Variants in ZAN observed in about 807,000 individuals in gnomAD.
ZAN encodes the protein zonadhesin, also known as zonadhesin (gene/pseudogene).
A neutral mutation model predicts 286.2 loss-of-function variants in ZAN; 260 were observed. The ratio of observed to expected loss-of-function variants is 0.91; its 90% CI spans 0.82 to 1.01. The LOEUF is 1.01. Ranked by LOEUF, ZAN falls within the 50% of genes least tolerant of loss-of-function variation. The pLI is 0.00. For missense variants in ZAN, 3,410 were observed against 3,639.2 expected, an observed-to-expected ratio of 0.94 and a Z score of 1.62; for synonymous variants, 1,368 against 1,417.5, an observed-to-expected ratio of 0.97 and a Z score of 0.79.
intron 42 of ZAN, 85 bp downstream of exon 42, chr7:100,792,564 T>C (rs1812059241): frequency 1.3e-6 from 2 of 1,587,054 alleles, no homozygotes; most frequent in Admixed American, 1.7e-5. Flanking sequence ...TGCCCCTCCC[T>C]GTGCCGACCC....
rs77017835 is a variant in ZAN, at chr7:100,779,742, G to A, written c.6614G>A (p.Ser2205Asn). 0.04 allele frequency: 61,629 copies of A among 1,551,818 alleles called. 10,481 individuals are homozygous for A. In the East Asian group the frequency reaches 0.56, roughly 14 times the overall value. ...GLKPPLWRNS[S>N]FCPLECPAYS... ...AAGCCCCCACTCTGGAGAAACAGCA[G>A]CTTCTGCCGTGAGTGTGCCCTGCTG... Residue 2205 changes from serine (S) to asparagine (N), a missense_variant, in exon 35 of 48, where the codon AGC becomes AAC. Around this residue, in one of 7 missense-constraint regions of ZAN, gnomAD observed 1,289 missense variants for 1,314.3 expected, o/e 0.98. Coordinates refer to ENST00000613979, the MANE Select transcript of ZAN (RefSeq NM_003386.3).
chr7:100,753,726 G>A (rs1808950611), intron 14 of ZAN, among the ~76,000 whole-genome samples: 1 of 151,002 alleles, frequency 6.6e-6, no homozygotes, highest in Non-Finnish European at 1.5e-5. Flanking sequence ...CCAGCTACTC[G>A]GGAGGCTGAG....
chr7:100,762,352 A>G lies in ZAN; in HGVS notation c.3980A>G (p.Asp1327Gly). The change falls in exon 20 of 48, where the codon GAC becomes GGC. Residue 1327 changes from aspartate (D) to glycine (G), a missense_variant. Physicochemically the swap from Asp to Gly is moderately conservative, Grantham distance 94. Around this residue, in one of 7 missense-constraint regions of ZAN, gnomAD observed 1,042 missense variants for 1,058.0 expected, o/e 0.98. Transcript: ENST00000613979. Reference protein sequence around the residue: ...GNSWQTDQDEDQECQKYQVVN... With the variant: ...GNSWQTDQDEGQECQKYQVVN... Reference sequence around the variant, plus strand: ...AGCTGGCAGACGGACCAGGACGAGGACCAGGAGTGAGCAAGGAGCCCTCCC... The same window carrying G: ...AGCTGGCAGACGGACCAGGACGAGGGCCAGGAGTGAGCAAGGAGCCCTCCC... The G allele has an allele frequency of 6.2e-7, 1 of 1,606,076 alleles. No individual in the cohort carries two copies. Among genetic ancestry groups the G allele is most frequent in the Non-Finnish European group, 8.5e-7 (1 of 1,175,364 alleles).
At chr7:100,756,699 T>G (rs956966149) in intron 15 of ZAN, among the ~76,000 whole-genome samples, 2 of 125,880 alleles carry the variant, frequency 1.6e-5, no homozygotes, top group African/African-American at 6.3e-5. Context: ...TTCACTTTTG[T>G]TTTTTTTTTT....
At chr7:100,749,756 A>G (rs1005843851) in intron 11 of ZAN, among the ~76,000 whole-genome samples, 5 of 150,616 alleles carry the variant, frequency 3.3e-5, no homozygotes, top group African/African-American at 1.2e-4. Flanking sequence ...TTTTTTAAAA[A>G]GACAATAATG....
intron 31 of ZAN, among the ~76,000 whole-genome samples, chr7:100,774,864 A>G (rs1318536460): frequency 6.6e-6 from 1 of 151,678 alleles, no homozygotes; most frequent in African/African-American, 2.4e-5. Flanking sequence ...CCAAAGAATC[A>G]TGCCCCTCCT....
At chr7:100,741,391 C>A in intron 7 of ZAN, among the ~76,000 whole-genome samples, 1 of 17,886 alleles carries the variant, frequency 5.6e-5, no homozygotes, top group Non-Finnish European at 1.5e-4. Context: ...GGGGCTGACC[C>A]CCCCACCTCC....
chr7:100,752,465 C>G lies in ZAN; in HGVS notation c.2360C>G (p.Pro787Arg), dbSNP rs561102339. ...AAACCCACCATCCCCACAGAAAAAC[C>G]CACCATTCCCACAGAAAAACCCACC... ...TEKPTIPTEK[P>R]TIPTEKPTIS... The change falls in exon 14 of 48, where the codon CCC becomes CGC. Residue 787 changes from proline (P) to arginine (R), a missense_variant. Pro to Arg is a moderately radical substitution (Grantham distance 103, BLOSUM62 -2). Transcript: ENST00000613979. The G allele has an allele frequency of 1.1e-5, 18 of 1,600,206 alleles. No homozygotes were observed. The highest frequency in any genetic ancestry group is 1.4e-5 in the Non-Finnish European group (17 of 1,172,772).
rs1470430095 is a variant in ZAN at position 100,758,239 on chromosome 7, A to T, written c.3347A>T (p.His1116Leu). Reference sequence around the variant, plus strand: ...TGGTTCAGCCCCAACTGCACAGAACATTGCCGCTGCTGGCCCGGCAGTCGG... The same window carrying T: ...TGGTTCAGCCCCAACTGCACAGAACTTTGCCGCTGCTGGCCCGGCAGTCGG... ...AEWFSPNCTE[H>L]CRCWPGSRVE... is the part of the protein sequence containing the mutation. Residue 1116 changes from histidine (H) to leucine (L), a missense_variant, in exon 16 of 48, where the codon CAT (histidine) becomes CTT (leucine). Transcript: ENST00000613979. 1.2e-6 allele frequency: 2 copies of T among 1,613,314 alleles called. No homozygotes were observed. Among genetic ancestry groups the T allele is most frequent in the African/African-American group, 2.7e-5 (2 of 74,920 alleles).
In ZAN at chr7:100,737,556, A is replaced by G. The variant is rs2115594459; in HGVS notation, c.613+207A>G. Among the ~76,000 whole-genome samples, 2 of 138,692 alleles carry G rather than the reference A, an allele frequency of 1.4e-5. 1 individual carries two copies. Among genetic ancestry groups the G allele is most frequent in the Non-Finnish European group, 3.2e-5 (2 of 62,026 alleles). The allele number at this position is 138,692 out of a possible 152,430, so 91.0% of individuals were successfully genotyped here. ...CCCGTCTCTACTAAAAATACAAAAA[A>G]TTAGCCGGGCGCGGTGGCGGGCGCC... On this transcript the variant is annotated intron_variant, in intron 6 of 47. Coordinates refer to ENST00000613979, the MANE Select transcript of ZAN (RefSeq NM_003386.3).
At chr7:100,735,550 GAAAA>G (rs368199475) in intron 2 of ZAN, among the ~76,000 whole-genome samples, 166 bp from the exon 3 acceptor site, 4 of 105,420 alleles carry the variant, frequency 3.8e-5, no homozygotes. Context: ...CTGGGTGCCG[GAAAA>G]AAAAAAAAAG....
Position 100,797,784 on chromosome 7 carries a change from A to G in ZAN, c.*52A>G. The G allele has an allele frequency of 6.3e-7, 1 of 1,581,350 alleles. No individual in the cohort carries two copies. Among genetic ancestry groups the G allele is most frequent in the Non-Finnish European group, 8.6e-7 (1 of 1,163,770 alleles). On this transcript the variant is annotated 3_prime_UTR_variant, in exon 48 of 48. Transcript: ENST00000613979. ...ACAAGAAGATTAAATAAATTTATATATTTATTTATTTGAGACAGGGTCTTG... is the reference window on the plus strand; with the variant it reads ...ACAAGAAGATTAAATAAATTTATATGTTTATTTATTTGAGACAGGGTCTTG...
Position 100,771,085 on chromosome 7 carries a change from T to C in ZAN, c.5249-759T>C, listed in dbSNP as rs1047852069. ...TCCCAAAGTGCTGGTATTAAAGGCATGAGCCATCATGCCTGGCCTAATTTT... is the reference window on the plus strand; with the variant it reads ...TCCCAAAGTGCTGGTATTAAAGGCACGAGCCATCATGCCTGGCCTAATTTT... On this transcript the variant is annotated intron_variant, in intron 28 of 47. Coordinates refer to ENST00000613979, the MANE Select transcript of ZAN (RefSeq NM_003386.3). 2.6e-5 allele frequency among the ~76,000 whole-genome samples: 4 copies of C among 152,072 alleles called. No homozygotes were observed. In the South Asian group the frequency reaches 6.2e-4, roughly 24 times the overall value.
chr7:100,790,921 G>T, intron 39 of ZAN, 21 bp from the exon 40 acceptor site: 1 of 1,584,714 alleles, frequency 6.3e-7, no homozygotes, highest in Non-Finnish European at 8.6e-7. Flanking sequence ...CTCACTTCTG[G>T]GGACCCCCTT....
rs1809486984 is a variant in ZAN, at chr7:100,760,519, G to A, written c.3825G>A (p.Leu1275=). 1 of 1,613,986 alleles carries A rather than the reference G, an allele frequency of 6.2e-7. No homozygotes were observed. The highest frequency in any genetic ancestry group is 2.2e-5 in the East Asian group (1 of 44,882). ...TGAGATGGGATGGTGACCAGCAGCT[G>A]TATGTTACTGTGTCCAGGTAAGGCA... The part of the protein sequence containing the change: ...LRVRWDGDQQ[L]YVTVSSTYSG... Residue 1275 remains leucine (L), a synonymous_variant, in exon 19 of 48, where the codon CTG becomes CTA. Transcript: ENST00000613979.
At chr7:100,774,668 T>C (rs895916866) in intron 31 of ZAN, among the ~76,000 whole-genome samples, 2 of 151,542 alleles carry the variant, frequency 1.3e-5, no homozygotes, top group Non-Finnish European at 2.9e-5. Context: ...TAAAAAAAAT[T>C]TTTTTTAATT....
In ZAN at chr7:100,797,612, T is replaced by C. The variant is rs1812451507; in HGVS notation, c.8402T>C (p.Leu2801Pro). 6.2e-7 allele frequency: 1 copy of C among 1,613,790 alleles called. No individual in the cohort carries two copies. The highest frequency in any genetic ancestry group is 8.5e-7 in the Non-Finnish European group (1 of 1,179,872). Residue 2801 changes from leucine (L) to proline (P), a missense_variant, in exon 47 of 48, where the codon CTG becomes CCG. Physicochemically the swap from Leu to Pro is moderately conservative, Grantham distance 98. Around this residue, in one of 7 missense-constraint regions of ZAN, gnomAD observed 1,289 missense variants for 1,314.3 expected, o/e 0.98. Coordinates refer to ENST00000613979, the MANE Select transcript of ZAN (RefSeq NM_003386.3). ...KTQEGDRLARLVDTDTVLDCA... is the reference protein window; with the variant it reads ...KTQEGDRLARPVDTDTVLDCA... ...CAGGAGGGAGACAGACTGGCCAGGCTGGTGGACACAGGTGAGAACCAACCC... is the reference window on the plus strand; with the variant it reads ...CAGGAGGGAGACAGACTGGCCAGGCCGGTGGACACAGGTGAGAACCAACCC...
intron 7 of ZAN, among the ~76,000 whole-genome samples, chr7:100,741,735 A>G (rs1299466503): frequency 9.6e-3 from 39 of 4,048 alleles, no homozygotes; most frequent in Admixed American, 0.013. Flanking sequence ...GGCCGGGCGG[A>G]GGGCTGACCC....
rs1432852612 is a variant in ZAN at position 100,789,299 on chromosome 7, G to A, written c.7309G>A (p.Val2437Ile). ...CCTGTGGGGCCAACGGCTCTACCTGGTCACCGACTTTGAGCTGGTCGTCAG... is the reference window on the plus strand; with the variant it reads ...CCTGTGGGGCCAACGGCTCTACCTGATCACCGACTTTGAGCTGGTCGTCAG... ...VTLWGQRLYLVTDFELVVSFG... is the reference protein window; with the variant it reads ...VTLWGQRLYLITDFELVVSFG... Residue 2437 changes from valine (V) to isoleucine (I), a missense_variant, in exon 39 of 48, where the codon GTC (valine) becomes ATC (isoleucine). By Grantham distance (29) the Val-to-Ile change is conservative (BLOSUM62 3). This residue lies in a region of ZAN where 1,289 missense variants were observed against 1,314.3 expected (regional missense o/e 0.98). Coordinates refer to ENST00000613979, the MANE Select transcript of ZAN (RefSeq NM_003386.3). 3.0e-5 allele frequency: 48 copies of A among 1,613,830 alleles called. No homozygotes were observed. The highest frequency in any genetic ancestry group is 4.0e-5 in the Non-Finnish European group (47 of 1,179,870).
Sources: allele counts gnomAD v4.1 joint callset (sites outside exome capture counted in the v4.1 genomes callset), GRCh38; gene constraint gnomAD v4.1.1; regional missense constraint gnomAD v4.1.1; transcripts MANE v1.5; gene names NCBI Gene and HGNC (gene_info 2026-07-23, HGNC 2026-07-21).